Variants in PSPH observed in about 807,000 individuals in gnomAD.
PSPH encodes the protein L-3-phosphoserine phosphatase.
In PSPH, 16 loss-of-function variants were observed where a neutral mutation model predicts 23.4. The ratio of observed to expected loss-of-function variants is 0.68; its 90% CI spans 0.46 to 1.04. PSPH has a LOEUF of 1.04. Among genes scored for constraint, PSPH ranks in the 50% least tolerant of loss-of-function variants. The probability of loss-of-function intolerance (pLI) is 0.00; values close to 1 mark genes in which losing one functional copy is unlikely to be tolerated. For synonymous variants in PSPH, 68 were observed against 99.7 expected (o/e 0.68, Z 1.89); for missense variants, 223 against 273.7 (o/e 0.81, Z 1.31).
At chr7:56,028,548 A>G (rs1247353176) in intron 3 of PSPH, among the ~76,000 whole-genome samples, 1 of 151,698 alleles carries the variant, frequency 6.6e-6, no homozygotes, top group African/African-American at 2.4e-5. Flanking sequence ...AATGTTAGAG[A>G]CTCACTTTAC....
intron 7 of PSPH, 76 bp from the exon 8 acceptor site, chr7:56,011,945 A>G: frequency 8.1e-7 from 1 of 1,231,212 alleles, no homozygotes; most frequent in Middle Eastern, 2.3e-4. Context: ...TCGCTCTGTC[A>G]CCCAGGCTGG....
intron 5 of PSPH, 96 bp downstream of exon 5, chr7:56,019,504 C>T: frequency 6.7e-7 from 1 of 1,485,628 alleles, no homozygotes; most frequent in Non-Finnish European, 9.2e-7. Flanking sequence ...AATAAACCAC[C>T]CAGAGGGCAC....
rs367952112 is a variant in PSPH at position 56,032,501 on chromosome 7, C to CA, written c.-145-448dup. On this transcript the variant is annotated intron_variant, in intron 2 of 7. Coordinates refer to ENST00000275605, the MANE Select transcript of PSPH (RefSeq NM_004577.4). ...CGAAACCACGTCTCTACCAAAAATA[C>CA]AAAAAAAATTTAGCCAGGCATGCTA... 1.7e-3 allele frequency among the ~76,000 whole-genome samples: 263 copies of CA among 151,258 alleles called. 1 individual carries two copies. The highest frequency in any genetic ancestry group is 6.0e-3 in the African/African-American group (249 of 41,214).
chr7:56,013,055 AT>A (rs1351329904), intron 7 of PSPH, among the ~76,000 whole-genome samples: 19 of 110,248 alleles, frequency 1.7e-4, no homozygotes, highest in South Asian at 5.2e-4. Flanking sequence ...ACACACATAT[AT>A]GTATATGTGT....
intron 1 of PSPH, among the ~76,000 whole-genome samples, chr7:56,040,806 A>T (rs1792422775): frequency 1.3e-5 from 2 of 151,834 alleles, no homozygotes; most frequent in African/African-American, 4.8e-5. Flanking sequence ...GCAAAAACAG[A>T]CTCTCTGAAG....
At chr7:56,017,044 G>A (rs867712215) in intron 6 of PSPH, among the ~76,000 whole-genome samples, 190 bp downstream of exon 6, 4 of 152,258 alleles carry the variant, frequency 2.6e-5, no homozygotes, top group Middle Eastern at 3.4e-3. Context: ...CCAAAGCTAG[G>A]ACAGGTGATG....
At chr7:56,035,432 C>A (rs1791603528) in intron 1 of PSPH, among the ~76,000 whole-genome samples, 1 of 152,126 alleles carries the variant, frequency 6.6e-6, no homozygotes, top group South Asian at 2.1e-4. Context: ...ACATTTACCA[C>A]TGGAGTTAGC....
chr7:56,045,322 T>C (rs541023476), intron 1 of PSPH, among the ~76,000 whole-genome samples: 23 of 151,998 alleles, frequency 1.5e-4, no homozygotes, highest in South Asian at 4.2e-4. Context: ...CTGAGCAACA[T>C]AGCTTTTCAG....
intron 4 of PSPH, among the ~76,000 whole-genome samples, 174 bp downstream of exon 4, chr7:56,020,899 T>C (rs1318769053): frequency 6.6e-6 from 1 of 152,236 alleles, no homozygotes; most frequent in Non-Finnish European, 1.5e-5. Flanking sequence ...CTTATCCATG[T>C]TTGTTTGCCA....
chr7:56,035,106 T>A (rs1417394184), intron 1 of PSPH, among the ~76,000 whole-genome samples: 3 of 152,036 alleles, frequency 2.0e-5, no homozygotes, highest in Non-Finnish European at 4.4e-5. Context: ...TTTGGGAGGC[T>A]GAGGCAAGCG....
At chr7:56,025,410 T>C (rs1488338835) in intron 3 of PSPH, among the ~76,000 whole-genome samples, 1 of 151,524 alleles carries the variant, frequency 6.6e-6, no homozygotes, top group East Asian at 2.0e-4. Context: ...CAGGCAGGCA[T>C]GATATCTGGC....
At chr7:56,034,376 A>G (rs1791444091) in intron 1 of PSPH, among the ~76,000 whole-genome samples, 1 of 152,130 alleles carries the variant, frequency 6.6e-6, no homozygotes, top group South Asian at 2.1e-4. Context: ...CACTTAGGAT[A>G]AGGATAGGTG....
rs565622440 is a variant in PSPH at position 56,026,339 on chromosome 7, G to A, written c.-19-5108C>T. Among the ~76,000 whole-genome samples, 107 of 150,900 alleles carry A rather than the reference G, an allele frequency of 7.1e-4. 1 individual carries two copies. The highest frequency in any genetic ancestry group is 3.6e-3 in the Middle Eastern group (1 of 278). ...AAAAATACAAAAATTAGCCGGGCAT[G>A]GTGGCAGGCACCTGTAATCCCAGCT... On this transcript the variant is annotated intron_variant, in intron 3 of 7. Coordinates refer to ENST00000275605, the MANE Select transcript of PSPH (RefSeq NM_004577.4).
At position 56,050,971 on chromosome 7, in the gene PSPH, G is replaced by A. The variant is rs372117647; in HGVS notation, c.-292+167C>T. 3.3e-5 allele frequency among the ~76,000 whole-genome samples: 5 copies of A among 152,244 alleles called. No homozygotes were observed. In the East Asian group the frequency reaches 7.7e-4, roughly 24 times the overall value. On this transcript the variant is annotated intron_variant, in intron 1 of 7. Coordinates refer to ENST00000275605, the MANE Select transcript of PSPH (RefSeq NM_004577.4). ...AGGCGGGAGGATCACTTGAACTCAG[G>A]AGTATCACTTGAGCTCAGGAGTTTG... is the stretch of plus-strand genomic sequence containing the variant.
At chr7:56,048,265 G>C (rs1793512448) in intron 1 of PSPH, among the ~76,000 whole-genome samples, 1 of 144,934 alleles carries the variant, frequency 6.9e-6, no homozygotes, top group South Asian at 2.2e-4. Flanking sequence ...GGGCAAAAGA[G>C]CAACACTCTG....
chr7:56,014,824 TC>T (rs1459488755), intron 7 of PSPH, among the ~76,000 whole-genome samples, 198 bp downstream of exon 7: 1 of 152,044 alleles, frequency 6.6e-6, no homozygotes, highest in Non-Finnish European at 1.5e-5. Flanking sequence ...GTGCCTGTAA[TC>T]CCAGCTACTT....
At chr7:56,044,936 C>T (rs1323544978) in intron 1 of PSPH, among the ~76,000 whole-genome samples, 1 of 149,472 alleles carries the variant, frequency 6.7e-6, no homozygotes, top group African/African-American at 2.5e-5. Context: ...GCTGGGCATG[C>T]TGGTGCATGC....
chr7:56,024,158 G>A (rs971053395), intron 3 of PSPH, among the ~76,000 whole-genome samples: 11 of 151,350 alleles, frequency 7.3e-5, no homozygotes, highest in Non-Finnish European at 1.5e-4. Context: ...CTCGTGATCC[G>A]CCCGCCTCGG....
chr7:56,025,391 C>T (rs1485473435), intron 3 of PSPH, among the ~76,000 whole-genome samples: 1 of 151,660 alleles, frequency 6.6e-6, no homozygotes, highest in Non-Finnish European at 1.5e-5. Context: ...TCCTGAGCAG[C>T]TGGGACTACA....
Sources: allele counts gnomAD v4.1 joint callset (sites outside exome capture counted in the v4.1 genomes callset), GRCh38; gene constraint gnomAD v4.1.1; transcripts MANE v1.5; gene names NCBI Gene and HGNC (gene_info 2026-07-23, HGNC 2026-07-21).